ZKSCAN2: variants seen among roughly 807,000 people sequenced by gnomAD.
ZKSCAN2 encodes the protein zinc finger protein with KRAB and SCAN domains 2.
Under a neutral mutation model 90.5 loss-of-function variants are expected in ZKSCAN2, and 38 were observed. That is an observed-to-expected ratio of 0.42 (90% confidence interval 0.32 to 0.55). ZKSCAN2 has a LOEUF of 0.55. ZKSCAN2 is among the 20% of genes least tolerant of loss of function. The probability of loss-of-function intolerance (pLI) is 0.11; values close to 1 mark genes in which losing one functional copy is unlikely to be tolerated. For synonymous variants in ZKSCAN2, 429 were observed against 421.6 expected, an observed-to-expected ratio of 1.02 and a Z score of -0.22; for missense variants, 1,167 against 1,202.6, an observed-to-expected ratio of 0.97 and a Z score of 0.44.
intron 1 of ZKSCAN2, among the ~76,000 whole-genome samples, chr16:25,255,865 G>T (rs1963093852): frequency 6.6e-6 from 1 of 152,154 alleles, no homozygotes; most frequent in African/African-American, 2.4e-5. Flanking sequence ...TTACAGATGT[G>T]AGCCACCGCG....
chr16:25,252,867 G>C (rs2141369788), intron 3 of ZKSCAN2, 79 bp downstream of exon 3: 3 of 1,192,582 alleles, frequency 2.5e-6, no homozygotes, highest in East Asian at 2.4e-5. Flanking sequence ...GCAGTGAGCT[G>C]AGATTGCGCC....
intron 1 of ZKSCAN2, among the ~76,000 whole-genome samples, 154 bp from the exon 2 acceptor site, chr16:25,255,546 G>C (rs559999987): frequency 1.1e-4 from 16 of 152,342 alleles, no homozygotes; most frequent in Middle Eastern, 3.4e-3. Flanking sequence ...GCTGGGCTGA[G>C]AGTACTGTCC....
At chr16:25,251,261 G>C (rs1311213907) in intron 4 of ZKSCAN2, among the ~76,000 whole-genome samples, 1 of 152,088 alleles carries the variant, frequency 6.6e-6, no homozygotes, top group Non-Finnish European at 1.5e-5. Context: ...TTATAGCTTT[G>C]TGGTCCTGAG....
chr16:25,241,504 T>C (rs936900552), intron 6 of ZKSCAN2, among the ~76,000 whole-genome samples: 3 of 152,232 alleles, frequency 2.0e-5, no homozygotes, highest in Non-Finnish European at 4.4e-5. Flanking sequence ...GTATGTATAA[T>C]GAACTCCCAC....
At chr16:25,251,830 C>A in intron 4 of ZKSCAN2, 79 bp downstream of exon 4, 4 of 1,504,822 alleles carry the variant, frequency 2.7e-6, no homozygotes, top group Non-Finnish European at 3.6e-6. Context: ...ACATTTCTAT[C>A]TGCCTATCTT....
At position 25,240,105 on chromosome 16, in the gene ZKSCAN2, G is replaced by C; in HGVS notation, c.2615C>G (p.Ser872Cys). 6.2e-7 allele frequency: 1 copy of C among 1,612,890 alleles called. No homozygotes were observed. The highest frequency in any genetic ancestry group is 8.5e-7 in the Non-Finnish European group (1 of 1,179,710). The change falls in exon 7 of 7, where the codon TCT becomes TGT. Residue 872 changes from serine to cysteine, a missense_variant. Physicochemically the swap from Ser to Cys is moderately radical, Grantham distance 112. Transcript: ENST00000328086. ...AACTCTCCGGTGGGCGCTGAAATGA[G>C]AACTGTTGGTGAAACTTTTCCCACA... The part of the protein sequence containing the change: ...GECGKSFTNS[S>C]HFSAHRRVHT...
Position 25,251,961 on chromosome 16 carries a change from C to T in ZKSCAN2, c.753G>A (p.Arg251=). ...RKSVHQIPAQ[R]DLYRDFRKEN... ...CCTTCCTGAAATCCCGGTAGAGGTC[C>T]CTTTGGGCAGGAATCTGATGCACAC... Residue 251 remains arginine, a synonymous_variant, in exon 4 of 7, where the codon AGG becomes AGA. Transcript: ENST00000328086. The T allele has an allele frequency of 6.2e-7, 1 of 1,613,968 alleles. No homozygotes were observed. Among genetic ancestry groups the T allele is most frequent in the South Asian group, 1.1e-5 (1 of 91,072 alleles).
At position 25,239,782 on chromosome 16, in the gene ZKSCAN2, G is replaced by A; in HGVS notation, c.*34C>T. 1.3e-6 allele frequency: 2 copies of A among 1,524,438 alleles called. No homozygotes were observed. The highest frequency in any genetic ancestry group is 1.8e-6 in the Non-Finnish European group (2 of 1,131,454). The allele number at this position is 1,524,438 out of a possible 1,614,324, so 94.4% of individuals were successfully genotyped here. On this transcript the variant is annotated 3_prime_UTR_variant, in exon 7 of 7. Coordinates refer to ENST00000328086, the MANE Select transcript of ZKSCAN2 (RefSeq NM_001012981.5). ...TCCAAGAATGAGATTAGGGTAAAAT[G>A]GCTAAGGGGGCATTTAGGAAGAGAA...
chr16:25,247,499 C>T, intron 4 of ZKSCAN2, 109 bp from the exon 5 acceptor site: 1 of 861,778 alleles, frequency 1.2e-6, no homozygotes, highest in Non-Finnish European at 1.8e-6. Flanking sequence ...CCCAAACCTT[C>T]CTCAGCTGTG....
intron 1 of ZKSCAN2, among the ~76,000 whole-genome samples, chr16:25,256,355 T>A (rs1471614603): frequency 2.8e-5 from 4 of 143,936 alleles, no homozygotes; most frequent in South Asian, 2.2e-4. Context: ...TTTTTTTTTT[T>A]AAAGGGGGAA....
At chr16:25,254,074 C>CTTGTG (rs1963059834) in intron 2 of ZKSCAN2, among the ~76,000 whole-genome samples, 1 of 152,146 alleles carries the variant, frequency 6.6e-6, no homozygotes, top group African/African-American at 2.4e-5. Context: ...AGTATCCTGA[C>CTTGTG]CAAGGCCACA....
Position 25,244,093 on chromosome 16 carries a change from T to TG in ZKSCAN2, c.1672dup (p.Gln558ProfsTer27), listed in dbSNP as rs1411565357. ...ATTTTTCACCTTGCGGTAACTCTTC[T>TG]GAAGGCTTTTGAACTTGGTTCGGCA... On this transcript the variant is annotated frameshift_variant, in exon 6 of 7. Transcript: ENST00000328086. LOFTEE classifies it high-confidence loss of function. 1 of 1,614,206 alleles carries TG rather than the reference T, an allele frequency of 6.2e-7. No homozygotes were observed. The highest frequency in any genetic ancestry group is 1.7e-5 in the Admixed American group (1 of 60,028).
chr16:25,252,032 G>T lies in ZKSCAN2; in HGVS notation c.682C>A (p.Pro228Thr), dbSNP rs571530241. Residue 228 changes from proline (P) to threonine (T), a missense_variant, in exon 4 of 7, where the codon CCA becomes ACA. Coordinates refer to ENST00000328086, the MANE Select transcript of ZKSCAN2 (RefSeq NM_001012981.5). Reference protein sequence around the residue: ...TTRLPAGSQEPVKDVHVARGF... With the variant: ...TTRLPAGSQETVKDVHVARGF... ...CTGGCCACGTGGACATCTTTCACTGGTTCCTGTAATGACACTAACACCAAT... is the reference window on the plus strand; with the variant it reads ...CTGGCCACGTGGACATCTTTCACTGTTTCCTGTAATGACACTAACACCAAT... 6.2e-7 allele frequency: 1 copy of T among 1,613,906 alleles called. No homozygotes were observed. The highest frequency in any genetic ancestry group is 1.3e-5 in the African/African-American group (1 of 74,904).
chr16:25,256,815 C>T lies in ZKSCAN2; in HGVS notation c.313G>A (p.Ala105Thr). ...CCACTTTGCGGACACTGCTTCTGTG[C>T]CCAAGCCTGAATCTTCTCGGGTAAA... is the stretch of plus-strand genomic sequence containing the variant. ...TILPEKIQAW[A>T]QKQCPQSGEE... The change falls in exon 1 of 7, where the codon GCA becomes ACA. Residue 105 changes from alanine to threonine, a missense_variant. By Grantham distance (58) the Ala-to-Thr change is moderately conservative. Coordinates refer to ENST00000328086, the MANE Select transcript of ZKSCAN2 (RefSeq NM_001012981.5). 6.2e-7 allele frequency: 1 copy of T among 1,614,192 alleles called. No individual in the cohort carries two copies. Among genetic ancestry groups the T allele is most frequent in the Non-Finnish European group, 8.5e-7 (1 of 1,180,030 alleles).
At position 25,238,084 on chromosome 16, in the gene ZKSCAN2, C is replaced by T. The variant is rs1962796506; in HGVS notation, c.*1732G>A. 6.6e-6 allele frequency: 1 copy of T among 152,232 alleles called. No individual in the cohort carries two copies. Among genetic ancestry groups the T allele is most frequent in the Non-Finnish European group, 1.5e-5 (1 of 68,042 alleles). The allele number at this position is 152,232 out of a possible 1,614,324, so 9.4% of individuals were successfully genotyped here. On this transcript the variant is annotated 3_prime_UTR_variant, in exon 7 of 7. Transcript: ENST00000328086. Reference sequence around the variant, plus strand: ...TCACCTGCCTTCCAACAGGCCACACCCTATTCTGGCACCATAAATTAGATT... The same window carrying T: ...TCACCTGCCTTCCAACAGGCCACACTCTATTCTGGCACCATAAATTAGATT...
rs545620755 is a variant in ZKSCAN2 at position 25,236,851 on chromosome 16, G to A, written c.*2965C>T. 1 of 152,582 alleles carries A rather than the reference G, an allele frequency of 6.6e-6. No homozygotes were observed. The highest frequency in any genetic ancestry group is 1.5e-5 in the Non-Finnish European group (1 of 68,032). The allele number at this position is 152,582 out of a possible 1,614,324, so 9.5% of individuals were successfully genotyped here. A position where few individuals can be genotyped will look rare whatever the true frequency, so the allele number is the denominator to read the frequency against. On this transcript the variant is annotated 3_prime_UTR_variant, in exon 7 of 7. Coordinates refer to ENST00000328086, the MANE Select transcript of ZKSCAN2 (RefSeq NM_001012981.5). Reference sequence around the variant, plus strand: ...CCAAAATGCCTTCGATAAGATGATAGTGAAAAGTTGTCAGTCTATGCTGCT... The same window carrying A: ...CCAAAATGCCTTCGATAAGATGATAATGAAAAGTTGTCAGTCTATGCTGCT...
intron 2 of ZKSCAN2, among the ~76,000 whole-genome samples, chr16:25,254,724 A>G (rs1460219748): frequency 6.6e-6 from 1 of 151,968 alleles, no homozygotes; most frequent in Non-Finnish European, 1.5e-5. Context: ...CACTGTGTCC[A>G]GCCATGGAGA....
In ZKSCAN2 at chr16:25,255,518, A is replaced by G. The variant is rs938555277; in HGVS notation, c.400-126T>C. Reference sequence around the variant, plus strand: ...GGAATGAAAATTCCACTCCATTCCCAGTGGAGTCTCTGAGAGCGCTGGGCT... The same window carrying G: ...GGAATGAAAATTCCACTCCATTCCCGGTGGAGTCTCTGAGAGCGCTGGGCT... On this transcript the variant is annotated intron_variant, in intron 1 of 6. Coordinates refer to ENST00000328086, the MANE Select transcript of ZKSCAN2 (RefSeq NM_001012981.5). 12 of 1,051,994 alleles carry G rather than the reference A, an allele frequency of 1.1e-5. No individual in the cohort carries two copies. In the Admixed American group the frequency reaches 3.2e-4, roughly 28 times the overall value. 65.2% of individuals were successfully genotyped at this position (1,051,994 alleles called of 1,614,324 possible).
chr16:25,251,391 AGTAT>A lies in ZKSCAN2; in HGVS notation c.805+514_805+517del, dbSNP rs1236425911. Among the ~76,000 whole-genome samples, 4 of 152,220 alleles carry A rather than the reference AGTAT, an allele frequency of 2.6e-5. No individual in the cohort carries two copies. In the East Asian group the frequency reaches 7.7e-4, roughly 29 times the overall value. ...TTATTGGTACAGATATATTTTCGTA[AGTAT>A]TTATTGAAAACAAAATATTTCATTA... On this transcript the variant is annotated intron_variant, in intron 4 of 6. Transcript: ENST00000328086.
Sources: allele counts gnomAD v4.1 joint callset (sites outside exome capture counted in the v4.1 genomes callset), GRCh38; gene constraint gnomAD v4.1.1; transcripts MANE v1.5; gene names NCBI Gene and HGNC (gene_info 2026-07-23, HGNC 2026-07-21).